CMAS: variants seen among roughly 807,000 people sequenced by gnomAD.
CMAS encodes cytidine monophosphate N-acetylneuraminic acid synthetase.
Under a neutral mutation model 53.4 loss-of-function variants are expected in CMAS, and 21 were observed. That is an observed-to-expected ratio of 0.39 (90% CI 0.28 to 0.57). CMAS has a LOEUF of 0.57. Among genes scored for constraint, CMAS ranks in the 20% least tolerant of loss-of-function variants. The pLI, the probability that CMAS is intolerant of heterozygous loss-of-function variation, is 0.56. For synonymous variants in CMAS, 189 were observed against 195.2 expected (o/e 0.97, Z 0.27); for missense variants, 384 against 534.9 (o/e 0.72, Z 2.78).
chr12:22,054,173 C>T (rs1373593048), intron 1 of CMAS, among the ~76,000 whole-genome samples: 11 of 152,092 alleles, frequency 7.2e-5, no homozygotes, highest in East Asian at 5.9e-4. Context: ...GTGATCCACC[C>T]GCCTCGGCTT....
At chr12:22,055,095 ATTG>A in intron 1 of CMAS, 51 bp from the exon 2 acceptor site, 1 of 1,419,490 alleles carries the variant, frequency 7.0e-7, no homozygotes, top group East Asian at 2.4e-5. Flanking sequence ...GCTCCATTTT[ATTG>A]TTAATGATTT....
intron 1 of CMAS, among the ~76,000 whole-genome samples, chr12:22,054,817 T>A (rs1565530021): frequency 6.6e-6 from 1 of 152,108 alleles, no homozygotes; most frequent in Non-Finnish European, 1.5e-5. Flanking sequence ...ACAGATTATT[T>A]CGTCATTCAG....
intron 1 of CMAS, among the ~76,000 whole-genome samples, chr12:22,054,270 A>G (rs1308194881): frequency 6.6e-6 from 1 of 152,142 alleles, no homozygotes; most frequent in Non-Finnish European, 1.5e-5. Context: ...TGCATTTAGC[A>G]GTGGGAATTT....
intron 1 of CMAS, among the ~76,000 whole-genome samples, chr12:22,046,794 C>T (rs369078791): frequency 1.8e-4 from 27 of 152,352 alleles, no homozygotes; most frequent in Admixed American, 6.5e-4. Context: ...GGGACAGTTC[C>T]TGTCTCCGCC....
chr12:22,060,333 T>TAAAA (rs58755366), intron 4 of CMAS, among the ~76,000 whole-genome samples: 30 of 54,136 alleles, frequency 5.5e-4, no homozygotes, highest in African/African-American at 1.5e-3. Flanking sequence ...GCTTTCTCCT[T>TAAAA]AAAAAAAAAA....
chr12:22,054,618 C>CTTT (rs371696880), intron 1 of CMAS, among the ~76,000 whole-genome samples: 1 of 130,450 alleles, frequency 7.7e-6, no homozygotes, highest in Non-Finnish European at 1.7e-5. Flanking sequence ...AAGCCAAGTC[C>CTTT]ATTTTTTTTT....
At chr12:22,049,264 C>T (rs541099439) in intron 1 of CMAS, among the ~76,000 whole-genome samples, 13 of 152,196 alleles carry the variant, frequency 8.5e-5, no homozygotes, top group Non-Finnish European at 1.2e-4. Flanking sequence ...ATGGAGCCCC[C>T]GCTGAAAAAC....
intron 7 of CMAS, among the ~76,000 whole-genome samples, chr12:22,063,569 A>ATAAG (rs2138190342): frequency 6.6e-6 from 1 of 152,312 alleles, no homozygotes; most frequent in East Asian, 1.9e-4. Context: ...ACAGATAGTA[A>ATAAG]TAAGTGTATC....
Position 22,052,838 on chromosome 12 carries a change from G to A in CMAS, c.261-2311G>A, listed in dbSNP as rs187734992. Among the ~76,000 whole-genome samples the A allele has an allele frequency of 1.1e-4, 16 of 152,174 alleles. No individual in the cohort carries two copies. In the East Asian group the frequency reaches 3.1e-3, roughly 29 times the overall value. On this transcript the variant is annotated intron_variant, in intron 1 of 7. Coordinates refer to ENST00000229329, the MANE Select transcript of CMAS (RefSeq NM_018686.6). ...GCCAGTGGCTCATCTTGTTTGCTAG[G>A]CTTTCTTTGATTATTTTTTCTTACT...
intron 3 of CMAS, among the ~76,000 whole-genome samples, chr12:22,057,856 C>G (rs1950278122): frequency 6.7e-6 from 1 of 149,502 alleles, no homozygotes; most frequent in African/African-American, 2.5e-5. Context: ...CAGAGTCTCA[C>G]TCTGTTGCCC....
At chr12:22,050,090 A>G (rs528216750) in intron 1 of CMAS, among the ~76,000 whole-genome samples, 3 of 152,318 alleles carry the variant, frequency 2.0e-5, no homozygotes, top group Non-Finnish European at 4.4e-5. Context: ...TTCTTCCTCC[A>G]TGAAGCCTTT....
intron 7 of CMAS, chr12:22,063,625 G>C (rs1216326926): frequency 6.6e-6 from 1 of 151,190 alleles, no homozygotes; most frequent in African/African-American, 2.5e-5. Context: ...AAAATGTAGT[G>C]ATTATCTACA....
In CMAS at chr12:22,046,238, C is replaced by A; in HGVS notation, c.-66C>A. Reference sequence around the variant, plus strand: ...CTGCCAGGCGGGGATCGGGCGGCGCCGAGCTGAGGTGGTGAGGGACTAGCT... The same window carrying A: ...CTGCCAGGCGGGGATCGGGCGGCGCAGAGCTGAGGTGGTGAGGGACTAGCT... On this transcript the variant is annotated 5_prime_UTR_variant, in exon 1 of 8. Coordinates refer to ENST00000229329, the MANE Select transcript of CMAS (RefSeq NM_018686.6). 1.5e-6 allele frequency: 2 copies of A among 1,363,616 alleles called. No homozygotes were observed. Among genetic ancestry groups the A allele is most frequent in the Non-Finnish European group, 1.9e-6 (2 of 1,051,594 alleles). The allele number at this position is 1,363,616 out of a possible 1,614,324, so 84.5% of individuals were successfully genotyped here.
At chr12:22,060,007 C>G (rs1028797041) in intron 4 of CMAS, among the ~76,000 whole-genome samples, 6 of 152,042 alleles carry the variant, frequency 3.9e-5, no homozygotes, top group Non-Finnish European at 7.4e-5. Context: ...TCATTTTCAT[C>G]AGTAGCTCAG....
chr12:22,055,923 A>G (rs1348308521), intron 3 of CMAS, among the ~76,000 whole-genome samples: 3 of 152,164 alleles, frequency 2.0e-5, no homozygotes, highest in Non-Finnish European at 2.9e-5. Context: ...GACATGTTTG[A>G]TGAACTCCAT....
Position 22,046,221 on chromosome 12 carries a change from CGG to C in CMAS, c.-80_-79del. 3.0e-6 allele frequency: 4 copies of C among 1,313,232 alleles called. No homozygotes were observed. The highest frequency in any genetic ancestry group is 4.0e-6 in the Non-Finnish European group (4 of 1,009,542). The allele number at this position is 1,313,232 out of a possible 1,614,324, so 81.3% of individuals were successfully genotyped here. ...ACGGCCGCGCGCGCCAGCTGCCAGGCGGGGATCGGGCGGCGCCGAGCTGAGGT... is the reference window on the plus strand; with the variant it reads ...ACGGCCGCGCGCGCCAGCTGCCAGGCGGATCGGGCGGCGCCGAGCTGAGGT... On this transcript the variant is annotated 5_prime_UTR_variant, in exon 1 of 8. Coordinates refer to ENST00000229329, the MANE Select transcript of CMAS (RefSeq NM_018686.6).
At position 22,065,394 on chromosome 12, in the gene CMAS, T is replaced by C; in HGVS notation, c.*83T>C. On this transcript the variant is annotated 3_prime_UTR_variant, in exon 8 of 8. Coordinates refer to ENST00000229329, the MANE Select transcript of CMAS (RefSeq NM_018686.6). ...ATTTTTGATTAAGTAAATTCCATGT[T>C]GTAATGTTACAGAGAGTGTGATTTG... The C allele has an allele frequency of 2.8e-6, 3 of 1,074,466 alleles. No individual in the cohort carries two copies. The highest frequency in any genetic ancestry group is 4.1e-6 in the Non-Finnish European group (3 of 725,116). The allele number at this position is 1,074,466 out of a possible 1,614,324, so 66.6% of individuals were successfully genotyped here.
At chr12:22,048,996 C>G (rs1485534100) in intron 1 of CMAS, among the ~76,000 whole-genome samples, 1 of 152,198 alleles carries the variant, frequency 6.6e-6, no homozygotes. Flanking sequence ...TCACATTGGA[C>G]TCTTTTCCCT....
At chr12:22,064,251 T>C (rs775094831) in intron 7 of CMAS, among the ~76,000 whole-genome samples, 3 of 152,120 alleles carry the variant, frequency 2.0e-5, no homozygotes, top group African/African-American at 4.8e-5. Context: ...TTAAAGATAC[T>C]GGGAGCTTCT....
Sources: gnomAD v4.1 joint callset for allele counts (sites outside exome capture counted in the v4.1 genomes callset) on GRCh38, gnomAD v4.1.1 for gene constraint, MANE v1.5 for transcripts, NCBI Gene and HGNC (gene_info 2026-07-23, HGNC 2026-07-21) for gene names.